Variants in GNAS observed in about 807,000 individuals in gnomAD.
The protein encoded by GNAS is protein ALEX.
GNAS carries 8 observed loss-of-function variants against 54.5 expected under a neutral mutation model. The ratio of observed to expected loss-of-function variants is 0.15; its 90% CI spans 0.09 to 0.26. The LOEUF is 0.26. Among genes scored for constraint, GNAS ranks in the 10% least tolerant of loss-of-function variants. The pLI is 1.00. For synonymous variants in GNAS, 204 were observed against 191.4 expected (o/e 1.07, Z -0.54); for missense variants, 170 against 529.8 (o/e 0.32, Z 6.67).
intron 2 of GNAS, chr20:58,897,570 A>C (rs866634649): frequency 9.2e-5 from 14 of 152,318 alleles, no homozygotes; most frequent in South Asian, 2.1e-4. Context: ...ATTGCCCTAA[A>C]ATTTAAAAAT....
At chr20:58,871,613 G>GAAAAAAAAAAAA (rs757702769) in intron 1 of GNAS, among the ~76,000 whole-genome samples, 7 of 32,702 alleles carry the variant, frequency 2.1e-4, no homozygotes, top group Non-Finnish European at 3.6e-4. Flanking sequence ...ATACTCCGTC[G>GAAAAAAAAAAAA]AAAAAAAAAA....
At chr20:58,892,019 G>A (rs1327775692) in intron 1 of GNAS, 154 bp downstream of exon 1, 1 of 813,586 alleles carries the variant, frequency 1.2e-6, no homozygotes, top group Admixed American at 6.3e-5. Context: ...AGGCCGGAAG[G>A]GGGACCCAGG....
At chr20:58,864,316 T>C (rs938542283) in intron 1 of GNAS, among the ~76,000 whole-genome samples, 2 of 152,218 alleles carry the variant, frequency 1.3e-5, no homozygotes, top group African/African-American at 2.4e-5. Context: ...ACAGACCTTA[T>C]TTATAATCAG....
intron 1 of GNAS, among the ~76,000 whole-genome samples, chr20:58,866,649 CT>C (rs752964351): frequency 1.1e-3 from 160 of 152,126 alleles, no homozygotes; most frequent in Non-Finnish European, 1.7e-3. Flanking sequence ...CCCATTTGGT[CT>C]TTCTATAGAG....
intron 1 of GNAS, chr20:58,885,118 ATGG>A (rs1331603305): frequency 6.6e-6 from 1 of 152,218 alleles, no homozygotes; most frequent in Non-Finnish European, 1.5e-5. Flanking sequence ...CTTGAGGTAG[ATGG>A]TGGTTTTGTT....
chr20:58,855,729 A>T, intron 1 of GNAS: 1 of 627,786 alleles, frequency 1.6e-6, no homozygotes, highest in Middle Eastern at 4.0e-4. Flanking sequence ...GGCTGGGGTC[A>T]TTGGGGAAGG....
chr20:58,854,379 A>G (rs1290193112), intron 1 of GNAS: 2 of 1,570,560 alleles, frequency 1.3e-6, no homozygotes, highest in African/African-American at 2.7e-5. Context: ...GGAGGGAGGA[A>G]AAGTACCCTC....
chr20:58,842,081 C>A, intron 1 of GNAS: 1 of 412,160 alleles, frequency 2.4e-6, no homozygotes, highest in Non-Finnish European at 4.2e-6. Context: ...GCGGCGTGCT[C>A]CGGCCATTTT....
chr20:58,887,538 T>A (rs961778469), upstream of GNAS, among the ~76,000 whole-genome samples: 1 of 152,220 alleles, frequency 6.6e-6, no homozygotes, highest in South Asian at 2.1e-4. Flanking sequence ...ATGAGCACAT[T>A]CAGGTGTATC....
Position 58,909,728 on chromosome 20 carries a change from A to T in GNAS, c.763A>T (p.Met255Leu), listed in dbSNP as rs1366514134. 6.2e-7 allele frequency: 1 copy of T among 1,614,000 alleles called. No homozygotes were observed. The highest frequency in any genetic ancestry group is 1.3e-5 in the African/African-American group (1 of 75,052). ...IFVVASSSYNMVIREDNQTNR... is the reference protein window; with the variant it reads ...IFVVASSSYNLVIREDNQTNR... Reference sequence around the variant, plus strand: ...CGTGGTGGCCAGCAGCAGCTACAACATGGTCATCCGGGAGGACAACCAGAC... The same window carrying T: ...CGTGGTGGCCAGCAGCAGCTACAACTTGGTCATCCGGGAGGACAACCAGAC... The change falls in exon 10 of 13, where the codon ATG (methionine) becomes TTG (leucine). Residue 255 changes from methionine to leucine, a missense_variant. Physicochemically the swap from Met to Leu is conservative, Grantham distance 15. Transcript: ENST00000371085. This position sits in a 1 kb window ranked among gnomAD's most constrained non-coding sequence, Gnocchi z 7.3.
At chr20:58,878,909 G>A (rs1365090526) in intron 1 of GNAS, among the ~76,000 whole-genome samples, 1 of 139,926 alleles carries the variant, frequency 7.1e-6, no homozygotes, top group African/African-American at 2.7e-5. Flanking sequence ...GTGGGGGTGC[G>A]GGTGGGGGGG....
chr20:58,864,658 G>T (rs2086943034), intron 1 of GNAS, among the ~76,000 whole-genome samples: 1 of 152,178 alleles, frequency 6.6e-6, no homozygotes, highest in Admixed American at 6.5e-5. Context: ...GCTGGCAAAG[G>T]CAAAGAAGGG....
rs1353469515 is a variant in GNAS, at chr20:58,909,057, T to C, written c.531-105T>C. 5.5e-6 allele frequency: 5 copies of C among 917,126 alleles called. No individual in the cohort carries two copies. The highest frequency in any genetic ancestry group is 7.3e-6 in the Non-Finnish European group (4 of 545,618). The allele number at this position is 917,126 out of a possible 1,614,324, so 56.8% of individuals were successfully genotyped here. On this transcript the variant is annotated intron_variant, in intron 6 of 12. Coordinates refer to ENST00000371085, the MANE Select transcript of GNAS (RefSeq NM_000516.7). This position sits in a 1 kb window ranked among gnomAD's most constrained non-coding sequence, Gnocchi z 7.3. ...CCATTGACTTAGTGCTGCATAACTG[T>C]GGGACGGTCACTTCCGTTGAGCCTG...
upstream of GNAS, chr20:58,840,395 C>G: frequency 1.2e-6 from 2 of 1,613,544 alleles, no homozygotes; most frequent in Non-Finnish European, 1.7e-6. The surrounding 1 kb of genome is among the most constrained non-coding windows in gnomAD (Gnocchi z 6.0). Flanking sequence ...TGAGCTGTCC[C>G]TCCCCGAGTG....
At chr20:58,904,692 CTT>C (rs753685558) in intron 5 of GNAS, among the ~76,000 whole-genome samples, 1 of 152,044 alleles carries the variant, frequency 6.6e-6, no homozygotes, top group Non-Finnish European at 1.5e-5. Context: ...TGGCTGCAAA[CTT>C]AAATTGGAGA....
At chr20:58,859,828 G>A (rs1272300130) in intron 1 of GNAS, among the ~76,000 whole-genome samples, 1 of 151,954 alleles carries the variant, frequency 6.6e-6, no homozygotes, top group Non-Finnish European at 1.5e-5. Context: ...GTTTCACCAT[G>A]TTGGTCAGGC....
At chr20:58,886,956 G>A (rs2088632666), upstream of GNAS, among the ~76,000 whole-genome samples, 1 of 152,250 alleles carries the variant, frequency 6.6e-6, no homozygotes, top group Admixed American at 6.5e-5. Flanking sequence ...CTCATAGATT[G>A]AGAGCTGAAA....
intron 1 of GNAS, among the ~76,000 whole-genome samples, chr20:58,885,262 A>G (rs1035615206): frequency 6.6e-6 from 1 of 152,098 alleles, no homozygotes; most frequent in Non-Finnish European, 1.5e-5. Context: ...CCCATCAGAG[A>G]GTCAGGAAAG....
At chr20:58,902,881 G>A (rs544348941) in intron 3 of GNAS, 2,441 of 162,662 alleles carry the variant, frequency 0.015, 36 homozygotes, top group Middle Eastern at 0.057. Context: ...ACAGGTGCAT[G>A]CCACCATGCC....
Sources: gnomAD v4.1 joint callset for allele counts (sites outside exome capture counted in the v4.1 genomes callset) on GRCh38, gnomAD v4.1.1 for gene constraint, Gnocchi (gnomAD v3.1) non-coding constraint, MANE v1.5 for transcripts, NCBI Gene and HGNC (gene_info 2026-07-23, HGNC 2026-07-21) for gene names.